CDKAL1: variants seen among roughly 807,000 people sequenced by gnomAD.
CDKAL1 encodes threonylcarbamoyladenosine tRNA methylthiotransferase.
CDKAL1 carries 32 observed loss-of-function variants against 68.2 expected under a neutral mutation model. The ratio of observed to expected loss-of-function variants is 0.47; its 90% CI spans 0.35 to 0.63. The LOEUF is 0.63. CDKAL1 is among the 30% of genes least tolerant of loss of function. The probability of loss-of-function intolerance (pLI) is 0.00; values close to 1 mark genes in which losing one functional copy is unlikely to be tolerated. For synonymous variants in CDKAL1, 234 were observed against 244.3 expected (o/e 0.96, Z 0.39); for missense variants, 606 against 696.7 (o/e 0.87, Z 1.47).
At chr6:21,087,046 A>G (rs574819746) in intron 12 of CDKAL1, among the ~76,000 whole-genome samples, 9 of 152,180 alleles carry the variant, frequency 5.9e-5, no homozygotes, top group Middle Eastern at 3.2e-3. Flanking sequence ...ACTTCACCAT[A>G]TGTATCCACC....
intron 8 of CDKAL1, among the ~76,000 whole-genome samples, chr6:20,802,804 T>A (rs1334118423): frequency 2.0e-5 from 3 of 152,218 alleles, no homozygotes; most frequent in African/African-American, 7.2e-5. Context: ...TGAAGGCCAG[T>A]GAGTGGGTGG....
At chr6:20,607,427 G>A (rs981812807) in intron 4 of CDKAL1, among the ~76,000 whole-genome samples, 61 of 152,230 alleles carry the variant, frequency 4.0e-4, no homozygotes, top group African/African-American at 1.4e-3. Flanking sequence ...GGCATCTGGA[G>A]TCACAATGTA....
intron 13 of CDKAL1, among the ~76,000 whole-genome samples, chr6:21,149,223 T>C (rs959834566): frequency 1.3e-5 from 2 of 152,160 alleles, no homozygotes; most frequent in Non-Finnish European, 2.9e-5. Context: ...CACCACAACT[T>C]CCACCTCTCA....
chr6:20,735,309 A>C (rs1163255748), intron 5 of CDKAL1, among the ~76,000 whole-genome samples: 1 of 152,242 alleles, frequency 6.6e-6, no homozygotes, highest in African/African-American at 2.4e-5. Flanking sequence ...TATTAAAAAA[A>C]AGAGGTTTAA....
At chr6:21,036,844 A>AAT (rs1769623196) in intron 11 of CDKAL1, among the ~76,000 whole-genome samples, 1 of 152,212 alleles carries the variant, frequency 6.6e-6, no homozygotes, top group Non-Finnish European at 1.5e-5. Context: ...CAATTCATCA[A>AAT]AGCCAAGGAA....
At chr6:20,605,830 A>G (rs115408528) in intron 4 of CDKAL1, among the ~76,000 whole-genome samples, 1,660 of 152,230 alleles carry the variant, frequency 0.011, 28 homozygotes, top group African/African-American at 0.036. Flanking sequence ...CATTCTTTTG[A>G]GGTCATTCTT....
chr6:20,863,628 A>G (rs1173002731), intron 9 of CDKAL1, among the ~76,000 whole-genome samples: 4 of 152,238 alleles, frequency 2.6e-5, no homozygotes, highest in African/African-American at 4.8e-5. Flanking sequence ...ACTAGCACCC[A>G]TAATTGGTAA....
intron 9 of CDKAL1, among the ~76,000 whole-genome samples, chr6:20,939,883 A>T (rs1763891349): frequency 6.6e-6 from 1 of 152,186 alleles, no homozygotes; most frequent in Admixed American, 6.5e-5. Flanking sequence ...TACATATCTT[A>T]CCTATTTTCT....
chr6:20,733,504 A>G (rs1374737185), intron 5 of CDKAL1, among the ~76,000 whole-genome samples: 1 of 152,224 alleles, frequency 6.6e-6, no homozygotes, highest in East Asian at 1.9e-4. Flanking sequence ...TTTAGTGTAA[A>G]ACAAAGGTGC....
At chr6:21,075,543 A>G (rs983072636) in intron 12 of CDKAL1, among the ~76,000 whole-genome samples, 1 of 152,186 alleles carries the variant, frequency 6.6e-6, no homozygotes, top group African/African-American at 2.4e-5. Context: ...ATATATTTTC[A>G]TGAACAGGAT....
intron 13 of CDKAL1, among the ~76,000 whole-genome samples, chr6:21,191,763 A>G (rs1043680991): frequency 1.7e-5 from 2 of 120,944 alleles, no homozygotes; most frequent in South Asian, 4.4e-4. Flanking sequence ...TTTTCATTAA[A>G]AAAAAAAAAA....
intron 9 of CDKAL1, among the ~76,000 whole-genome samples, chr6:20,847,858 A>G (rs1419950109): frequency 6.6e-6 from 1 of 152,216 alleles, no homozygotes; most frequent in African/African-American, 2.4e-5. Flanking sequence ...TTAAGCAACA[A>G]AAGCAGAGAT....
chr6:20,909,934 G>A (rs183928762), intron 9 of CDKAL1, among the ~76,000 whole-genome samples: 8 of 152,246 alleles, frequency 5.3e-5, no homozygotes, highest in Admixed American at 5.2e-4. Context: ...CTAATACAAT[G>A]ATTAAATCCA....
At chr6:20,554,313 A>G (rs1390924072) in intron 4 of CDKAL1, among the ~76,000 whole-genome samples, 2 of 152,232 alleles carry the variant, frequency 1.3e-5, no homozygotes, top group Non-Finnish European at 2.9e-5. Context: ...TGGCTTTTTA[A>G]AGAAATGAAT....
intron 12 of CDKAL1, among the ~76,000 whole-genome samples, chr6:21,089,491 A>G (rs1004081592): frequency 9.8e-5 from 15 of 152,300 alleles, no homozygotes; most frequent in Admixed American, 2.0e-4. Flanking sequence ...AAAAAAAACA[A>G]AAGTGCAAAT....
rs115648158 is a variant in CDKAL1, at chr6:21,144,120, C to T, written c.1299+35657C>T. 4.6e-3 allele frequency among the ~76,000 whole-genome samples: 697 copies of T among 152,284 alleles called. 5 individuals carry two copies. Among genetic ancestry groups the T allele is most frequent in the African/African-American group, 0.016 (671 of 41,550 alleles). On this transcript the variant is annotated intron_variant, in intron 13 of 15. Coordinates refer to ENST00000274695, the MANE Select transcript of CDKAL1 (RefSeq NM_017774.3). ...TGTGCCCAAATCATCATGTTAGTTA[C>T]TTTCATTTGTGTAGTACTTTCTACA...
At chr6:20,768,928 A>T (rs567431839) in intron 7 of CDKAL1, among the ~76,000 whole-genome samples, 1 of 152,094 alleles carries the variant, frequency 6.6e-6, no homozygotes, top group South Asian at 2.1e-4. Flanking sequence ...AATCCAGACT[A>T]TTGGGAAACT....
chr6:21,024,671 A>G (rs993597586), intron 11 of CDKAL1, among the ~76,000 whole-genome samples: 4 of 152,208 alleles, frequency 2.6e-5, no homozygotes, highest in Non-Finnish European at 5.9e-5. Context: ...TATCAGTAAC[A>G]TGCTTTACAC....
rs749597921 is a variant in CDKAL1, at chr6:20,730,346, G to A, written c.372-9173G>A. Among the ~76,000 whole-genome samples, 13 of 142,410 alleles carry A rather than the reference G, an allele frequency of 9.1e-5. No homozygotes were observed. The South Asian group carries it at 1.1e-3, about 12-fold the overall frequency. The allele number at this position is 142,410 out of a possible 152,430, so 93.4% of individuals were successfully genotyped here. On this transcript the variant is annotated intron_variant, in intron 5 of 15. Transcript: ENST00000274695. ...GAAAAGAAAGAAAGAAGCCAGACCC[G>A]AAAAGAAAGAAAGATAGATAGATGG...
Sources: gnomAD v4.1 joint callset for allele counts (sites outside exome capture counted in the v4.1 genomes callset) on GRCh38, gnomAD v4.1.1 for gene constraint, MANE v1.5 for transcripts, NCBI Gene and HGNC (gene_info 2026-07-23, HGNC 2026-07-21) for gene names.